PTPN20: variants seen among roughly 807,000 people sequenced by gnomAD.
PTPN20 encodes the protein protein tyrosine phosphatase non-receptor type 20, also known as tyrosine-protein phosphatase non-receptor type 20.
In PTPN20, 9 loss-of-function variants were observed where a neutral mutation model predicts 35.0. The ratio of observed to expected loss-of-function variants is 0.26; its 90% CI spans 0.15 to 0.45. The LOEUF is 0.45. PTPN20 is among the 20% of genes least tolerant of loss of function. PTPN20 has a pLI of 1.00. For missense variants in PTPN20, 111 were observed against 312.5 expected (o/e 0.36, Z 4.86); for synonymous variants, 32 against 100.2 (o/e 0.32, Z 4.06).
In PTPN20 at chr10:46,945,202, A is replaced by G. The variant is rs1589432364; in HGVS notation, c.227+1187A>G. On this transcript the variant is annotated intron_variant, in intron 4 of 10. Transcript: ENST00000374339. ...GGGCTGGAGAGGGAAGTAATGCCAT[A>G]TATGTGAAGCTGAGTATACATTTTA... 2.6e-5 allele frequency among the ~76,000 whole-genome samples: 4 copies of G among 150,966 alleles called. No homozygotes were observed. The South Asian group carries it at 8.4e-4, about 32-fold the overall frequency.
At chr10:46,976,709 A>G (rs1178255946) in intron 7 of PTPN20, among the ~76,000 whole-genome samples, 1 of 105,764 alleles carries the variant, frequency 9.5e-6, no homozygotes, top group South Asian at 3.1e-4. Context: ...TGTAATTTCT[A>G]CTCTTCAGTC....
chr10:46,945,044 C>T (rs543948546), intron 4 of PTPN20, among the ~76,000 whole-genome samples: 3,423 of 140,092 alleles, frequency 0.024, 46 homozygotes, highest in Middle Eastern at 0.077. Flanking sequence ...GAAGTTTGAG[C>T]GAGGGTAAGG....
downstream of PTPN20, among the ~76,000 whole-genome samples, chr10:47,003,306 T>C (rs529704661): frequency 4.0e-5 from 6 of 151,230 alleles, no homozygotes; most frequent in South Asian, 1.3e-3. Context: ...GAGCCCCCCC[T>C]ATTAACAAAA....
At chr10:46,983,078 T>TTC (rs782581069) in intron 7 of PTPN20, among the ~76,000 whole-genome samples, 44,076 of 140,616 alleles carry the variant, frequency 0.31, 6,869 homozygotes, top group South Asian at 0.48. Context: ...TTTTTTTTTT[T>TTC]TTTTTTTTGT....
chr10:46,949,450 T>C (rs1432238339), intron 5 of PTPN20, among the ~76,000 whole-genome samples: 2 of 152,212 alleles, frequency 1.3e-5, no homozygotes, highest in Non-Finnish European at 2.9e-5. Context: ...CCAGTGTTCA[T>C]GTCCTGTCAC....
At chr10:46,992,121 AT>A (rs1180103188) in intron 9 of PTPN20, among the ~76,000 whole-genome samples, 11,442 of 130,616 alleles carry the variant, frequency 0.088, 427 homozygotes, top group Admixed American at 0.14. Flanking sequence ...TTCATTTTCA[AT>A]TTTTTTTTTT....
chr10:46,924,014 G>T (rs2036319636), intron 1 of PTPN20, among the ~76,000 whole-genome samples: 1 of 151,954 alleles, frequency 6.6e-6, no homozygotes, highest in African/African-American at 2.4e-5. Flanking sequence ...TTATAGAAAA[G>T]GAATTGACTT....
At chr10:46,968,773 G>GT (rs1457837078) in intron 7 of PTPN20, among the ~76,000 whole-genome samples, 3 of 132,254 alleles carry the variant, frequency 2.3e-5, no homozygotes, top group African/African-American at 9.3e-5. Context: ...TAATCACCAA[G>GT]TTCAAACCAG....
chr10:46,947,786 A>C, intron 5 of PTPN20: 2 of 415,328 alleles, frequency 4.8e-6, no homozygotes, highest in Non-Finnish European at 9.3e-6. Flanking sequence ...AATTCTTTTG[A>C]TATTCATCTG....
chr10:46,940,781 C>T lies in PTPN20; in HGVS notation c.129+64C>T, dbSNP rs1195172195. 10 of 1,372,722 alleles carry T rather than the reference C, an allele frequency of 7.3e-6. No individual in the cohort carries two copies. In the Admixed American group the frequency reaches 1.5e-4, roughly 21 times the overall value. 85.0% of individuals were successfully genotyped at this position (1,372,722 alleles called of 1,614,324 possible). ...TAATACCTAAATTGCTGACTATGCT[C>T]TCTGGGAAATGGGTATCTATTTGGT... On this transcript the variant is annotated intron_variant, in intron 3 of 10. Transcript: ENST00000374339.
chr10:46,951,602 A>G (rs1410246892), intron 5 of PTPN20, among the ~76,000 whole-genome samples: 1 of 152,066 alleles, frequency 6.6e-6, no homozygotes, highest in African/African-American at 2.4e-5. Context: ...TCACGAATCT[A>G]TCTGCAGTTT....
chr10:46,926,317 G>A (rs1377743540), intron 1 of PTPN20, among the ~76,000 whole-genome samples: 1 of 151,636 alleles, frequency 6.6e-6, no homozygotes, highest in African/African-American at 2.4e-5. Context: ...TGTTGGACAT[G>A]TATATTTTTA....
At chr10:46,939,868 AC>A (rs2042894719) in intron 2 of PTPN20, among the ~76,000 whole-genome samples, 1 of 151,866 alleles carries the variant, frequency 6.6e-6, no homozygotes, top group Non-Finnish European at 1.5e-5. Flanking sequence ...TTTTTAACAC[AC>A]ATTCAGGAAC....
intron 8 of PTPN20, among the ~76,000 whole-genome samples, chr10:46,985,168 A>G (rs558731425): frequency 2.8e-4 from 43 of 151,020 alleles, no homozygotes; most frequent in African/African-American, 9.5e-4. Flanking sequence ...CTGAAATGTA[A>G]AAGTTCAGTG....
Position 47,000,784 on chromosome 10 carries a change from T to C in PTPN20, c.*43T>C. ...TCTCACTTGAAATTACCAAGTGGGT[T>C]TGCACCTCCTCATAAAGAACATGTT... On this transcript the variant is annotated 3_prime_UTR_variant, in exon 11 of 11. Transcript: ENST00000374339. The C allele has an allele frequency of 1.2e-6, 2 of 1,603,512 alleles. No individual in the cohort carries two copies. Among genetic ancestry groups the C allele is most frequent in the Non-Finnish European group, 1.7e-6 (2 of 1,170,520 alleles).
intron 2 of PTPN20, among the ~76,000 whole-genome samples, chr10:46,936,335 A>G (rs1400620096): frequency 1.3e-5 from 2 of 152,024 alleles, no homozygotes; most frequent in Non-Finnish European, 2.9e-5. Context: ...TACATCTGGT[A>G]GAATTTGACT....
intron 9 of PTPN20, among the ~76,000 whole-genome samples, chr10:46,999,530 G>A (rs1286312200): frequency 8.5e-5 from 13 of 152,148 alleles, no homozygotes; most frequent in Admixed American, 4.6e-4. Flanking sequence ...CCCAGTTTCC[G>A]TGTGAGTTGA....
intron 3 of PTPN20, among the ~76,000 whole-genome samples, chr10:46,941,734 T>C (rs1555136568): frequency 1.3e-5 from 2 of 150,860 alleles, no homozygotes; most frequent in African/African-American, 4.9e-5. Flanking sequence ...TGCTAAGTTA[T>C]AGCTTGGCCT....
rs1270798072 is a variant in PTPN20 at position 46,968,731 on chromosome 10, C to G, written c.583+684C>G. Among the ~76,000 whole-genome samples the G allele has an allele frequency of 7.1e-4, 107 of 150,178 alleles. No individual in the cohort carries two copies. The East Asian group carries it at 0.019, about 27-fold the overall frequency. ...AAATTTACTATTTTACTTCCTCCAA[C>G]TTGACCCTCTTCTTATATTCTATAT... is the stretch of plus-strand genomic sequence containing the variant. On this transcript the variant is annotated intron_variant, in intron 7 of 10. Transcript: ENST00000374339.
Sources: gnomAD v4.1 joint callset for allele counts (sites outside exome capture counted in the v4.1 genomes callset) on GRCh38, gnomAD v4.1.1 for gene constraint, MANE v1.5 for transcripts, NCBI Gene and HGNC (gene_info 2026-07-23, HGNC 2026-07-21) for gene names.